CELF2: variants seen among roughly 807,000 people sequenced by gnomAD.
CELF2 encodes the protein CUG triplet repeat RNA-binding protein 2.
CELF2 carries 8 observed loss-of-function variants against 62.6 expected under a neutral mutation model. The observed-to-expected ratio is 0.13, with a 90% CI of 0.07 to 0.23. The LOEUF (loss-of-function observed/expected upper bound fraction) is 0.23. CELF2 is among the 10% of genes least tolerant of loss of function. The pLI is 1.00. For synonymous variants in CELF2, 258 were observed against 250.0 expected (o/e 1.03, Z -0.30); for missense variants, 333 against 671.0 (o/e 0.50, Z 5.56).
chr10:10,906,768 T>C (rs1391424171), intron 1 of CELF2, among the ~76,000 whole-genome samples: 1 of 143,054 alleles, frequency 7.0e-6, no homozygotes, highest in Admixed American at 7.4e-5. Flanking sequence ...CGCCAGGCTG[T>C]AGTGCGGGGG....
chr10:11,327,318 A>G (rs2132657688), intron 12 of CELF2, among the ~76,000 whole-genome samples: 1 of 152,284 alleles, frequency 6.6e-6, no homozygotes, highest in African/African-American at 2.4e-5. Context: ...TTTGGAAGGG[A>G]ATTCTGCTTC....
At chr10:10,587,395 T>A in the CELF2 span, among the ~76,000 whole-genome samples, 4 of 152,088 alleles carry the variant, frequency 2.6e-5, no homozygotes, top group African/African-American at 9.7e-5. Flanking sequence ...TCTTAGCACA[T>A]CTCGGTAGGA....
In CELF2 at chr10:10,898,141, C is replaced by G. The variant is rs138228117; in HGVS notation, c.54-21823C>G. On this transcript the variant is annotated intron_variant, in intron 1 of 13. Transcript: ENST00000636488. ...CTCCCTTTTGGAATGGGAAAGTCTA[C>G]TGTATGCCTGACCCACCATTGTATT... 1.5e-3 allele frequency among the ~76,000 whole-genome samples: 230 copies of G among 152,324 alleles called. 2 individuals carry two copies. The highest frequency in any genetic ancestry group is 5.3e-3 in the African/African-American group (221 of 41,566).
intron 1 of CELF2, among the ~76,000 whole-genome samples, chr10:11,079,841 G>A (rs1469061667): frequency 6.6e-6 from 1 of 151,202 alleles, no homozygotes; most frequent in Non-Finnish European, 1.5e-5. Context: ...CCATCACCTG[G>A]CAGTATCATC....
At chr10:10,582,595 G>A in the CELF2 span, among the ~76,000 whole-genome samples, 1 of 152,100 alleles carries the variant, frequency 6.6e-6, no homozygotes, top group Non-Finnish European at 1.5e-5. Context: ...TGCATGTAAT[G>A]AGTAATTTCC....
the CELF2 span, among the ~76,000 whole-genome samples, chr10:10,546,573 T>A: frequency 6.6e-6 from 1 of 152,216 alleles, no homozygotes; most frequent in African/African-American, 2.4e-5. Context: ...ACCTCTACTC[T>A]GCATGGACTT....
the CELF2 span, among the ~76,000 whole-genome samples, chr10:10,709,141 C>T: frequency 1.3e-5 from 2 of 152,236 alleles, no homozygotes; most frequent in Admixed American, 6.5e-5. Context: ...AATACATCAG[C>T]AGAAAGGAAG....
chr10:10,508,822 C>T, the CELF2 span, among the ~76,000 whole-genome samples: 1 of 151,746 alleles, frequency 6.6e-6, no homozygotes, highest in African/African-American at 2.4e-5. Context: ...ATTACAGGCA[C>T]CCGCCACCAT....
the CELF2 span, among the ~76,000 whole-genome samples, chr10:10,472,027 T>A: frequency 6.6e-6 from 1 of 150,434 alleles, no homozygotes; most frequent in Non-Finnish European, 1.5e-5. Flanking sequence ...ATTCAAGATT[T>A]TTTTTTCTTT....
At chr10:11,228,315 A>G (rs886879331) in intron 3 of CELF2, among the ~76,000 whole-genome samples, 2 of 152,248 alleles carry the variant, frequency 1.3e-5, no homozygotes, top group Admixed American at 6.5e-5. Context: ...AGAACTTTAT[A>G]TATACTTGAT....
At chr10:10,624,641 C>T in the CELF2 span, among the ~76,000 whole-genome samples, 28 of 152,134 alleles carry the variant, frequency 1.8e-4, 1 homozygote, top group Non-Finnish European at 5.9e-5. Flanking sequence ...AGTCCTGATG[C>T]GATTATATAT....
chr10:10,939,746 A>G (rs2046841308), intron 2 of CELF2, among the ~76,000 whole-genome samples: 1 of 151,918 alleles, frequency 6.6e-6, no homozygotes, highest in Admixed American at 6.5e-5. Flanking sequence ...CGAGGTCAGG[A>G]GATCGAGACC....
In CELF2 at chr10:11,270,559, C is replaced by A; in HGVS notation, c.619-107C>A. The A allele has an allele frequency of 1.0e-6, 1 of 960,174 alleles. No individual in the cohort carries two copies. Among genetic ancestry groups the A allele is most frequent in the Non-Finnish European group, 1.4e-6 (1 of 693,984 alleles). The allele number at this position is 960,174 out of a possible 1,614,324, so 59.5% of individuals were successfully genotyped here. On this transcript the variant is annotated intron_variant, in intron 6 of 12. Transcript: ENST00000633077. This position sits in a 1 kb window ranked among gnomAD's most constrained non-coding sequence, Gnocchi z 5.8. ...CCGTTTTAAACCATTTCAGCCCATT[C>A]CATGTGCTCCAGGCTAGTGCAGAAA...
chr10:11,231,806 G>C (rs2068780111), intron 3 of CELF2, among the ~76,000 whole-genome samples: 1 of 149,704 alleles, frequency 6.7e-6, no homozygotes, highest in Admixed American at 6.7e-5. Flanking sequence ...ACCTGATCCT[G>C]TCTCTTCTCT....
At chr10:10,655,906 A>G in the CELF2 span, among the ~76,000 whole-genome samples, 1 of 130,890 alleles carries the variant, frequency 7.6e-6, no homozygotes, top group African/African-American at 2.8e-5. Flanking sequence ...TCTGCACAGC[A>G]AAAGAAACTA....
upstream of CELF2, among the ~76,000 whole-genome samples, chr10:11,015,006 G>A (rs189963249): frequency 1.3e-5 from 2 of 152,134 alleles, no homozygotes; most frequent in African/African-American, 4.8e-5. This position sits in a 1 kb window ranked among gnomAD's most constrained non-coding sequence, Gnocchi z 4.8. Flanking sequence ...CATATCCACG[G>A]GTGGGGCCAG....
intron 1 of CELF2, among the ~76,000 whole-genome samples, chr10:11,051,522 G>A (rs772690144): frequency 2.6e-4 from 39 of 152,124 alleles, no homozygotes; most frequent in Non-Finnish European, 3.8e-4. Context: ...ATGCCTGCCC[G>A]ATCAAGTATT....
At chr10:10,577,508 C>G in the CELF2 span, among the ~76,000 whole-genome samples, 1 of 151,450 alleles carries the variant, frequency 6.6e-6, no homozygotes, top group Non-Finnish European at 1.5e-5. Flanking sequence ...ATCCCTCCCC[C>G]CTCACCCCAC....
At chr10:10,956,373 T>A (rs1001758879) in intron 2 of CELF2, among the ~76,000 whole-genome samples, 1 of 152,224 alleles carries the variant, frequency 6.6e-6, no homozygotes, top group Admixed American at 6.5e-5. Context: ...GTGTTCCAGG[T>A]ACTTTATTGG....
Sources: allele counts gnomAD v4.1 joint callset (sites outside exome capture counted in the v4.1 genomes callset), GRCh38; gene constraint gnomAD v4.1.1; non-coding constraint Gnocchi (gnomAD v3.1); transcripts MANE v1.5; gene names NCBI Gene and HGNC (gene_info 2026-07-23, HGNC 2026-07-21).